Variants in RBFOX1 observed in about 807,000 individuals in gnomAD.
RBFOX1 encodes RNA binding fox-1 homolog 1.
RBFOX1 carries 8 observed loss-of-function variants against 57.7 expected under a neutral mutation model. The observed-to-expected ratio is 0.14, with a 90% CI of 0.08 to 0.25. The LOEUF is 0.25. Ranked by LOEUF, RBFOX1 falls within the 10% of genes least tolerant of loss-of-function variation. The pLI, the probability that RBFOX1 is intolerant of heterozygous loss-of-function variation, is 1.00. For missense variants in RBFOX1, 611 were observed against 548.5 expected, an observed-to-expected ratio of 1.11 and a Z score of -1.14; for synonymous variants, 326 against 222.4, an observed-to-expected ratio of 1.47 and a Z score of -4.15.
At chr16:7,241,595 A>G (rs1158503790) in intron 4 of RBFOX1, among the ~76,000 whole-genome samples, 1 of 151,816 alleles carries the variant, frequency 6.6e-6, no homozygotes, top group Non-Finnish European at 1.5e-5. Flanking sequence ...GGTTACTTAA[A>G]ATGTTTTATC....
chr16:6,182,395 A>T (rs1326449719), intron 1 of RBFOX1, among the ~76,000 whole-genome samples: 1 of 152,192 alleles, frequency 6.6e-6, no homozygotes, highest in Non-Finnish European at 1.5e-5. Context: ...TCCTAATTCC[A>T]CCAGTTTAAG....
At chr16:5,511,815 A>G (rs368489394) in intron 2 of RBFOX1, among the ~76,000 whole-genome samples, 9 of 152,298 alleles carry the variant, frequency 5.9e-5, no homozygotes, top group African/African-American at 1.7e-4. Context: ...AGTTCTCAGA[A>G]TTGCAGAGTA....
At chr16:7,406,205 G>A (rs1252793281) in intron 4 of RBFOX1, among the ~76,000 whole-genome samples, 1 of 152,140 alleles carries the variant, frequency 6.6e-6, no homozygotes, top group Non-Finnish European at 1.5e-5. Flanking sequence ...TAAACATCAT[G>A]CCTCACCAAG....
chr16:5,512,956 A>G (rs111506167), intron 2 of RBFOX1, among the ~76,000 whole-genome samples: 4,275 of 152,242 alleles, frequency 0.028, 211 homozygotes, highest in African/African-American at 0.098. Flanking sequence ...CAGTTTGTCA[A>G]CCAGGCAGGA....
intron 4 of RBFOX1, among the ~76,000 whole-genome samples, chr16:7,268,598 G>T (rs575203004): frequency 1.3e-5 from 2 of 152,352 alleles, no homozygotes; most frequent in African/African-American, 2.4e-5. Flanking sequence ...ATGGTTTGCA[G>T]TTGGTGGCCA....
At chr16:5,821,151 A>G (rs532264400) in intron 3 of RBFOX1, among the ~76,000 whole-genome samples, 1 of 152,018 alleles carries the variant, frequency 6.6e-6, no homozygotes, top group Admixed American at 6.6e-5. Context: ...TCTGCTGCAG[A>G]CTGCTGTCAT....
chr16:6,568,126 C>A (rs925443071), intron 2 of RBFOX1, among the ~76,000 whole-genome samples: 1 of 152,104 alleles, frequency 6.6e-6, no homozygotes, highest in African/African-American at 2.4e-5. Context: ...TTATCTAATA[C>A]CATGTAACAA....
chr16:5,910,667 C>G lies in RBFOX1; in HGVS notation c.351+43332C>G, dbSNP rs117463183. 8.9e-3 allele frequency among the ~76,000 whole-genome samples: 1,351 copies of G among 152,258 alleles called. 11 individuals are homozygous for G. Among genetic ancestry groups the G allele is most frequent in the South Asian group, 0.015 (72 of 4,824 alleles). On this transcript the variant is annotated intron_variant, in intron 4 of 19. Coordinates refer to the RBFOX1 transcript ENST00000641259. ...GGAGGTGAGGGTTTCTCAGCCTTTG[C>G]TATGTGTCTCTCCATCAATGCCCCA...
chr16:6,317,278 T>G lies in RBFOX1; in HGVS notation c.-64+221T>G, dbSNP rs1420031. Among the ~76,000 whole-genome samples the G allele has an allele frequency of 0.54, 82,809 of 151,948 alleles. 23,297 individuals carry two copies. Among genetic ancestry groups the G allele is most frequent in the Middle Eastern group, 0.68 (199 of 292 alleles). On this transcript the variant is annotated intron_variant, in intron 2 of 15. Coordinates refer to ENST00000550418, the MANE Select transcript of RBFOX1 (RefSeq NM_018723.4). ...TCCCTCCCCAATGAACCTGGGAAAT[T>G]TGTGAGGTTATCAATGAGTTAACTG...
Position 6,085,399 on chromosome 16 carries a change from A to G in RBFOX1, c.-127+65407A>G, listed in dbSNP as rs576247212. On this transcript the variant is annotated intron_variant, in intron 1 of 15. Transcript: ENST00000550418. Reference sequence around the variant, plus strand: ...GCGATTCTCCTGCCTCAGCCTCCCGAGTAGCTGGGAGTACAGGTATGCGCC... The same window carrying G: ...GCGATTCTCCTGCCTCAGCCTCCCGGGTAGCTGGGAGTACAGGTATGCGCC... Among the ~76,000 whole-genome samples the G allele has an allele frequency of 1.8e-3, 279 of 152,216 alleles. 3 individuals carry two copies. The highest frequency in any genetic ancestry group is 6.5e-3 in the African/African-American group (268 of 41,530).
At chr16:6,482,123 A>G (rs1206451446) in intron 2 of RBFOX1, among the ~76,000 whole-genome samples, 1 of 152,262 alleles carries the variant, frequency 6.6e-6, no homozygotes, top group African/African-American at 2.4e-5. Context: ...GTTGTATACA[A>G]GTTGTATACT....
At chr16:6,685,266 A>G (rs1472565806) in intron 3 of RBFOX1, among the ~76,000 whole-genome samples, 2 of 130,046 alleles carry the variant, frequency 1.5e-5, no homozygotes, top group African/African-American at 2.8e-5. Flanking sequence ...AGAGAGGGAG[A>G]GTTTTTCTTT....
intron 1 of RBFOX1, among the ~76,000 whole-genome samples, chr16:6,313,506 A>G (rs2080647374): frequency 6.6e-6 from 1 of 152,184 alleles, no homozygotes; most frequent in African/African-American, 2.4e-5. Flanking sequence ...AGTCAGAGTT[A>G]GAAAAAAACT....
intron 3 of RBFOX1, among the ~76,000 whole-genome samples, chr16:6,728,081 C>G (rs1046876274): frequency 4.6e-5 from 7 of 152,150 alleles, no homozygotes; most frequent in African/African-American, 1.4e-4. Context: ...TAGCATAGAG[C>G]TAGCCACCAA....
intron 2 of RBFOX1, among the ~76,000 whole-genome samples, chr16:5,533,363 T>C (rs1190607128): frequency 6.6e-6 from 1 of 152,166 alleles, no homozygotes; most frequent in Non-Finnish European, 1.5e-5. Context: ...CCAATAAATA[T>C]TCCTGACGGC....
At chr16:5,832,325 G>T (rs2056302723) in intron 3 of RBFOX1, among the ~76,000 whole-genome samples, 2 of 152,210 alleles carry the variant, frequency 1.3e-5, no homozygotes, top group South Asian at 4.1e-4. Context: ...GACTAGGGAA[G>T]GGTGAATCCA....
chr16:5,984,550 C>T (rs899394984), intron 4 of RBFOX1, among the ~76,000 whole-genome samples: 1 of 152,054 alleles, frequency 6.6e-6, no homozygotes, highest in Non-Finnish European at 1.5e-5. Context: ...ACTTACCTAA[C>T]CCTTGGAACA....
intron 4 of RBFOX1, among the ~76,000 whole-genome samples, chr16:7,296,764 A>C (rs1260006439): frequency 6.6e-6 from 1 of 152,174 alleles, no homozygotes; most frequent in African/African-American, 2.4e-5. Context: ...TTTCGGGTGC[A>C]GACTGAAATC....
intron 1 of RBFOX1, among the ~76,000 whole-genome samples, chr16:6,122,717 C>G (rs542925308): frequency 6.6e-6 from 1 of 151,792 alleles, no homozygotes; most frequent in South Asian, 2.1e-4. Flanking sequence ...TTTATCTTTT[C>G]AGTTAATGGG....
Sources: gnomAD v4.1 joint callset for allele counts (sites outside exome capture counted in the v4.1 genomes callset) on GRCh38, gnomAD v4.1.1 for gene constraint, MANE v1.5 for transcripts, NCBI Gene and HGNC (gene_info 2026-07-23, HGNC 2026-07-21) for gene names.